Variants in BRD10 observed in about 807,000 individuals in gnomAD.
BRD10 encodes uncharacterized bromodomain-containing protein 10.
chr9:5,917,673 G>A, the BRD10 span, among the ~76,000 whole-genome samples: 6 of 152,210 alleles, frequency 3.9e-5, no homozygotes, highest in African/African-American at 1.4e-4. Context: ...CCAATATGGT[G>A]AAACCCCATC....
the BRD10 span, among the ~76,000 whole-genome samples, chr9:5,962,482 A>G: frequency 1.0e-4 from 8 of 79,008 alleles, no homozygotes; most frequent in African/African-American, 4.0e-4. Context: ...CAGAGGTACA[A>G]GGAAGAACTG....
chr9:5,895,359 G>C, the BRD10 span, among the ~76,000 whole-genome samples: 5 of 151,972 alleles, frequency 3.3e-5, no homozygotes, highest in Admixed American at 6.5e-5. Flanking sequence ...AGGTGGGATG[G>C]AGGTAGGGGA....
At chr9:5,885,274 C>T in the BRD10 span, among the ~76,000 whole-genome samples, 1 of 152,366 alleles carries the variant, frequency 6.6e-6, no homozygotes, top group Non-Finnish European at 1.5e-5. Flanking sequence ...GGACTGGGCA[C>T]CCCCTCCGAA....
the BRD10 span, chr9:6,007,335 G>A: frequency 3.1e-6 from 5 of 1,613,546 alleles, no homozygotes; most frequent in African/African-American, 1.3e-5. Context: ...TGATGCCCCC[G>A]TACTGGCCGC....
the BRD10 span, among the ~76,000 whole-genome samples, chr9:5,931,026 GAAGA>G: frequency 6.6e-6 from 1 of 152,208 alleles, no homozygotes; most frequent in African/African-American, 2.4e-5. Context: ...GTTAAAGAGA[GAAGA>G]AAGAGGAAAG....
chr9:5,990,032 C>T, the BRD10 span, among the ~76,000 whole-genome samples: 1 of 152,154 alleles, frequency 6.6e-6, no homozygotes, highest in East Asian at 1.9e-4. Flanking sequence ...ACGGTGATAA[C>T]ACTATAACTA....
At chr9:5,892,357 T>C in the BRD10 span, 2 of 779,790 alleles carry the variant, frequency 2.6e-6, no homozygotes, top group Non-Finnish European at 3.9e-6. Context: ...TGGATATTGG[T>C]CACCTAGTGA....
At chr9:5,936,975 T>C in the BRD10 span, among the ~76,000 whole-genome samples, 4 of 152,202 alleles carry the variant, frequency 2.6e-5, no homozygotes, top group African/African-American at 7.2e-5. Context: ...ATCATGCCTG[T>C]AATCCCAGCA....
the BRD10 span, among the ~76,000 whole-genome samples, chr9:5,958,109 A>C: frequency 6.6e-6 from 1 of 152,328 alleles, no homozygotes; most frequent in South Asian, 2.1e-4. Context: ...TACCTGGAAA[A>C]TGCATAAGGA....
chr9:5,999,534 A>C, the BRD10 span, among the ~76,000 whole-genome samples: 1 of 152,004 alleles, frequency 6.6e-6, no homozygotes, highest in African/African-American at 2.4e-5. Flanking sequence ...ATCCCTTGTA[A>C]TTCCCTAGCT....
At chr9:5,947,856 T>A in the BRD10 span, among the ~76,000 whole-genome samples, 6,887 of 152,152 alleles carry the variant, frequency 0.045, 421 homozygotes, top group African/African-American at 0.13. Context: ...GATTTTTTTT[T>A]AAAAAAGCAA....
At chr9:5,887,479 T>G in the BRD10 span, among the ~76,000 whole-genome samples, 1 of 152,314 alleles carries the variant, frequency 6.6e-6, no homozygotes, top group African/African-American at 2.4e-5. Flanking sequence ...AACTTCACCT[T>G]GCCCTGAGAT....
the BRD10 span, among the ~76,000 whole-genome samples, chr9:5,930,169 C>G: frequency 2.1e-5 from 3 of 141,686 alleles, no homozygotes; most frequent in Non-Finnish European, 4.6e-5. Context: ...ATCACACAAT[C>G]CACATGTTTT....
chr9:5,919,778 G>A, the BRD10 span: 1 of 1,613,768 alleles, frequency 6.2e-7, no homozygotes, highest in Non-Finnish European at 8.5e-7. Flanking sequence ...AACAATCTGA[G>A]AGAGAGATGG....
the BRD10 span, among the ~76,000 whole-genome samples, chr9:5,986,713 T>C: frequency 6.3e-3 from 954 of 152,370 alleles, 10 homozygotes; most frequent in African/African-American, 0.02. Context: ...ATAACTCCAT[T>C]AAATTATCAT....
chr9:6,005,813 C>T, the BRD10 span, among the ~76,000 whole-genome samples: 2 of 152,098 alleles, frequency 1.3e-5, no homozygotes, highest in African/African-American at 4.8e-5. Context: ...TACAAAATTA[C>T]TAAAGTATTA....
the BRD10 span, chr9:5,968,902 T>C: frequency 2.0e-5 from 33 of 1,612,880 alleles, no homozygotes; most frequent in Non-Finnish European, 2.6e-5. Context: ...CATCTTGAAC[T>C]TCCTTTTGTG....
chr9:5,896,129 T>A, the BRD10 span, among the ~76,000 whole-genome samples: 61 of 152,356 alleles, frequency 4.0e-4, 1 homozygote, highest in South Asian at 0.012. Flanking sequence ...CCGTTCCAGT[T>A]GCTGTGAATG....
At chr9:5,967,834 T>A in the BRD10 span, among the ~76,000 whole-genome samples, 3 of 152,292 alleles carry the variant, frequency 2.0e-5, no homozygotes, top group Middle Eastern at 0.01. Flanking sequence ...TTGTTGTAAG[T>A]ATATAAAATG....
Sources: gnomAD v4.1 joint callset for allele counts (sites outside exome capture counted in the v4.1 genomes callset) on GRCh38, gnomAD v4.1.1 for gene constraint, MANE v1.5 for transcripts, NCBI Gene and HGNC (gene_info 2026-07-23, HGNC 2026-07-21) for gene names.